TMTC1: variants seen among roughly 807,000 people sequenced by gnomAD.
TMTC1 encodes the protein protein O-mannosyl-transferase TMTC1.
Under a neutral mutation model 104.8 loss-of-function variants are expected in TMTC1, and 73 were observed. That is an observed-to-expected ratio of 0.70 (90% CI 0.58 to 0.85). The LOEUF (loss-of-function observed/expected upper bound fraction) is 0.85, where lower values mean the gene tolerates loss of function less well. TMTC1 is among the 40% of genes least tolerant of loss of function. The probability of loss-of-function intolerance (pLI) is 0.00; values close to 1 mark genes in which losing one functional copy is unlikely to be tolerated. For synonymous variants in TMTC1, 434 were observed against 428.7 expected, an observed-to-expected ratio of 1.01 and a Z score of -0.15; for missense variants, 1,035 against 1,096.1, an observed-to-expected ratio of 0.94 and a Z score of 0.79.
intron 2 of TMTC1, among the ~76,000 whole-genome samples, chr12:29,767,047 T>A (rs1352160355): frequency 6.6e-6 from 1 of 151,902 alleles, no homozygotes; most frequent in African/African-American, 2.4e-5. Flanking sequence ...CCTCCTGGGT[T>A]CAAGTGATTC....
chr12:29,703,739 G>A (rs1047159623), intron 5 of TMTC1, among the ~76,000 whole-genome samples: 1 of 152,152 alleles, frequency 6.6e-6, no homozygotes, highest in African/African-American at 2.4e-5. Flanking sequence ...GTTACCTTAA[G>A]CCCAGCTTCT....
chr12:29,759,288 G>A (rs1044334563), intron 2 of TMTC1, among the ~76,000 whole-genome samples: 17 of 152,242 alleles, frequency 1.1e-4, no homozygotes, highest in South Asian at 6.2e-4. Context: ...TTGAGTTAAC[G>A]AGTTCAAGAC....
At chr12:29,644,073 A>ATAT (rs1939134817) in intron 5 of TMTC1, among the ~76,000 whole-genome samples, 1 of 25,936 alleles carries the variant, frequency 3.9e-5, no homozygotes, top group African/African-American at 1.7e-4. Context: ...TATAATTTAT[A>ATAT]GATAAATATA....
intron 8 of TMTC1, among the ~76,000 whole-genome samples, chr12:29,578,673 A>G (rs1945891617): frequency 6.6e-6 from 1 of 152,186 alleles, no homozygotes; most frequent in South Asian, 2.1e-4. Context: ...CAAAAAAGCT[A>G]CTTTAATCAG....
chr12:29,507,018 C>T (rs1413340858), intron 17 of TMTC1, 32 bp from the exon 18 acceptor site: 14 of 1,597,510 alleles, frequency 8.8e-6, no homozygotes, highest in Non-Finnish European at 1.2e-5. Flanking sequence ...CAATTACATT[C>T]TGATCCATCA....
intron 9 of TMTC1, among the ~76,000 whole-genome samples, chr12:29,560,033 T>A (rs1279657293): frequency 6.6e-6 from 1 of 152,260 alleles, no homozygotes; most frequent in African/African-American, 2.4e-5. Flanking sequence ...AATTTGCGTT[T>A]GAATTAGCTT....
At chr12:29,643,925 A>G (rs1419490283) in intron 5 of TMTC1, among the ~76,000 whole-genome samples, 1 of 111,560 alleles carries the variant, frequency 9.0e-6, no homozygotes, top group Non-Finnish European at 1.7e-5. Context: ...AAATATATAT[A>G]AATAAATATA....
intron 5 of TMTC1, among the ~76,000 whole-genome samples, chr12:29,668,340 G>C (rs1314534418): frequency 6.6e-6 from 1 of 151,982 alleles, no homozygotes; most frequent in East Asian, 1.9e-4. Flanking sequence ...TCTTTTACAA[G>C]GGCGTTGACT....
chr12:29,521,607 G>A (rs1477840656), intron 11 of TMTC1, among the ~76,000 whole-genome samples: 2 of 121,448 alleles, frequency 1.6e-5, no homozygotes, highest in East Asian at 2.4e-4. Flanking sequence ...TCACTTTGTC[G>A]CCTTGGCTGG....
In TMTC1 at chr12:29,668,454, C is replaced by CTTTTTTTTTTTTTTTTTTT. The variant is rs66652706; in HGVS notation, c.939-35137_939-35119dup. Among the ~76,000 whole-genome samples the CTTTTTTTTTTTTTTTTTTT allele has an allele frequency of 2.0e-4, 18 of 90,096 alleles. 2 individuals carry two copies. The highest frequency in any genetic ancestry group is 3.8e-4 in the East Asian group (1 of 2,626). 59.1% of individuals were successfully genotyped at this position (90,096 alleles called of 152,430 possible). A position where few individuals can be genotyped will look rare whatever the true frequency, so the allele number is the denominator to read the frequency against. On this transcript the variant is annotated intron_variant, in intron 5 of 17. Transcript: ENST00000539277. ...CCACATTCAAACCATACCAACTTAT[C>CTTTTTTTTTTTTTTTTTTT]TTTTTTTTTTTTTTTTTTTTTTTTG...
At chr12:29,643,932 T>A (rs1224494497) in intron 5 of TMTC1, among the ~76,000 whole-genome samples, 1 of 112,616 alleles carries the variant, frequency 8.9e-6, no homozygotes, top group Non-Finnish European at 1.7e-5. Flanking sequence ...TATAAATAAA[T>A]ATATATAAAT....
At chr12:29,608,219 G>A (rs1946752993) in intron 6 of TMTC1, among the ~76,000 whole-genome samples, 1 of 152,190 alleles carries the variant, frequency 6.6e-6, no homozygotes, top group South Asian at 2.1e-4. Flanking sequence ...TTTCTAGAAT[G>A]AGACAGACTA....
chr12:29,503,086 C>T lies in TMTC1; in HGVS notation c.*3760G>A, dbSNP rs907674161. On this transcript the variant is annotated 3_prime_UTR_variant, in exon 18 of 18. Transcript: ENST00000539277. ...TTCTCATTTAGTCTGACTGAAAGGCCGTTGCGCAGAGGCATTCGCACAACT... is the reference window on the plus strand; with the variant it reads ...TTCTCATTTAGTCTGACTGAAAGGCTGTTGCGCAGAGGCATTCGCACAACT... 8 of 152,156 alleles carry T rather than the reference C, an allele frequency of 5.3e-5. No homozygotes were observed. The highest frequency in any genetic ancestry group is 7.3e-5 in the Non-Finnish European group (5 of 68,036). The allele number at this position is 152,156 out of a possible 1,614,324, so 9.4% of individuals were successfully genotyped here.
At chr12:29,609,481 C>A (rs1185716469) in intron 6 of TMTC1, among the ~76,000 whole-genome samples, 3 of 152,194 alleles carry the variant, frequency 2.0e-5, no homozygotes, top group Non-Finnish European at 4.4e-5. Flanking sequence ...TGGCACAACA[C>A]CCCTACTGCT....
At chr12:29,508,666 C>T (rs139948766) in intron 17 of TMTC1, among the ~76,000 whole-genome samples, 14 of 152,138 alleles carry the variant, frequency 9.2e-5, no homozygotes, top group South Asian at 2.1e-4. Flanking sequence ...CTCTGCCTCC[C>T]GGGTTCAAAC....
chr12:29,693,635 C>T (rs1941329463), intron 5 of TMTC1, among the ~76,000 whole-genome samples: 1 of 152,070 alleles, frequency 6.6e-6, no homozygotes, highest in Non-Finnish European at 1.5e-5. Flanking sequence ...ATGCTGTGCA[C>T]TAAAAATGGG....
At chr12:29,594,557 T>G (rs955736728) in intron 7 of TMTC1, among the ~76,000 whole-genome samples, 17 of 152,186 alleles carry the variant, frequency 1.1e-4, no homozygotes, top group African/African-American at 3.9e-4. Flanking sequence ...GTAAGGAGGA[T>G]TTGTTAAGAT....
Position 29,724,265 on chromosome 12 carries a change from C to T in TMTC1, c.938+27401G>A, listed in dbSNP as rs866176381. 7.2e-5 allele frequency among the ~76,000 whole-genome samples: 11 copies of T among 152,218 alleles called. No homozygotes were observed. The South Asian group carries it at 2.3e-3, about 32-fold the overall frequency. On this transcript the variant is annotated intron_variant, in intron 5 of 17. Coordinates refer to ENST00000539277, the MANE Select transcript of TMTC1 (RefSeq NM_001193451.2). ...TCTGATATATCAGCGTTGGCAGGAG[C>T]CTGGAGCATCATGAACACGCAAACT...
Position 29,641,697 on chromosome 12 carries a change from C to A in TMTC1, c.939-8361G>T, listed in dbSNP as rs570947895. ...AAAACAAGGCTCTTCAATACCCCCC[C>A]AAAAAAATCACACTAGTTCACCAGC... On this transcript the variant is annotated intron_variant, in intron 5 of 17. Coordinates refer to ENST00000539277, the MANE Select transcript of TMTC1 (RefSeq NM_001193451.2). Among the ~76,000 whole-genome samples, 32 of 152,174 alleles carry A rather than the reference C, an allele frequency of 2.1e-4. 1 individual carries two copies. In the South Asian group the frequency reaches 5.2e-3, roughly 25 times the overall value.
Sources: gnomAD v4.1 joint callset for allele counts (sites outside exome capture counted in the v4.1 genomes callset) on GRCh38, gnomAD v4.1.1 for gene constraint, MANE v1.5 for transcripts, NCBI Gene and HGNC (gene_info 2026-07-23, HGNC 2026-07-21) for gene names.